C8orf34: variants seen among roughly 807,000 people sequenced by gnomAD.
The protein encoded by C8orf34 is uncharacterized protein C8orf34.
C8orf34 carries 65 observed loss-of-function variants against 68.3 expected under a neutral mutation model. The ratio of observed to expected loss-of-function variants is 0.95; its 90% CI spans 0.78 to 1.17. The LOEUF is 1.17. Ranked by LOEUF, C8orf34 falls within the 50% of genes most tolerant of loss-of-function variation. The pLI is 0.00. For missense variants in C8orf34, 664 were observed against 655.4 expected (o/e 1.01, Z -0.14); for synonymous variants, 244 against 241.2 (o/e 1.01, Z -0.11).
At chr8:68,501,146 G>A (rs1381337490) in intron 5 of C8orf34, among the ~76,000 whole-genome samples, 3 of 152,084 alleles carry the variant, frequency 2.0e-5, no homozygotes, top group African/African-American at 7.2e-5. Flanking sequence ...TTCAAGCTGA[G>A]GGCGCTGGTT....
At chr8:68,694,995 C>G (rs1036848953) in intron 8 of C8orf34, among the ~76,000 whole-genome samples, 1 of 151,758 alleles carries the variant, frequency 6.6e-6, no homozygotes, top group South Asian at 2.1e-4. Context: ...ATTTACTATC[C>G]GAATTTATAT....
intron 6 of C8orf34, chr8:68,530,462 A>T: frequency 4.3e-6 from 1 of 230,150 alleles, no homozygotes. Flanking sequence ...TTTAGGTGTT[A>T]ATTCAGCTTA....
intron 1 of C8orf34, among the ~76,000 whole-genome samples, chr8:68,393,353 A>G (rs1438460541): frequency 6.6e-6 from 1 of 152,184 alleles, no homozygotes; most frequent in Non-Finnish European, 1.5e-5. Flanking sequence ...GATGGAGGAC[A>G]TTGTGAAGCA....
At chr8:68,413,871 T>C (rs1393498713) in intron 1 of C8orf34, among the ~76,000 whole-genome samples, 3 of 152,216 alleles carry the variant, frequency 2.0e-5, no homozygotes, top group African/African-American at 7.2e-5. Context: ...CTTCACACCA[T>C]TCATTGGCTT....
intron 1 of C8orf34, among the ~76,000 whole-genome samples, chr8:68,371,113 G>A (rs13257807): frequency 0.36 from 55,332 of 151,958 alleles, 10,978 homozygotes; most frequent in Non-Finnish European, 0.45. Flanking sequence ...GCTTCTGCTG[G>A]CAAGAGAAGC....
At chr8:68,539,746 C>T (rs1331309858) in intron 7 of C8orf34, among the ~76,000 whole-genome samples, 11 of 151,696 alleles carry the variant, frequency 7.3e-5, no homozygotes, top group Non-Finnish European at 5.9e-5. Flanking sequence ...CCCAGCTACT[C>T]GGGACACTGA....
At chr8:68,433,598 G>A (rs1810537205) in intron 1 of C8orf34, among the ~76,000 whole-genome samples, 1 of 152,208 alleles carries the variant, frequency 6.6e-6, no homozygotes, top group African/African-American at 2.4e-5. Flanking sequence ...CTGGGTGTGT[G>A]CTGTGGTACC....
chr8:68,714,013 C>T (rs1821399453), intron 9 of C8orf34, among the ~76,000 whole-genome samples: 2 of 152,024 alleles, frequency 1.3e-5, no homozygotes, highest in Non-Finnish European at 2.9e-5. Flanking sequence ...ATATAGCATA[C>T]CACGTAAACA....
At chr8:68,512,264 A>G (rs1231010931) in intron 5 of C8orf34, among the ~76,000 whole-genome samples, 1 of 152,222 alleles carries the variant, frequency 6.6e-6, no homozygotes, top group Non-Finnish European at 1.5e-5. Flanking sequence ...AGAATTTTAG[A>G]AATCCCATAC....
At chr8:68,532,699 C>A (rs888793147) in intron 6 of C8orf34, among the ~76,000 whole-genome samples, 3 of 152,068 alleles carry the variant, frequency 2.0e-5, no homozygotes, top group African/African-American at 7.2e-5. Context: ...CTTTAAAAAT[C>A]AGAAAATTCA....
chr8:68,795,810 A>G (rs1487598668), intron 12 of C8orf34, among the ~76,000 whole-genome samples: 1 of 152,156 alleles, frequency 6.6e-6, no homozygotes, highest in Non-Finnish European at 1.5e-5. Context: ...ATTTTCTTCT[A>G]AACTTTTTTG....
In C8orf34 at chr8:68,721,472, C is replaced by G. The variant is rs539654941; in HGVS notation, c.1404+35C>G. The G allele has an allele frequency of 2.9e-6, 4 of 1,357,910 alleles. No individual in the cohort carries two copies. In the African/African-American group the frequency reaches 5.8e-5, roughly 20 times the overall value. The allele number at this position is 1,357,910 out of a possible 1,614,324, so 84.1% of individuals were successfully genotyped here. A position where few individuals can be genotyped will look rare whatever the true frequency, so the allele number is the denominator to read the frequency against. ...TTCATTGACTTATTTTTTTTAATTGCTAAAACTAATTTAAATTACTAGTAG... is the reference window on the plus strand; with the variant it reads ...TTCATTGACTTATTTTTTTTAATTGGTAAAACTAATTTAAATTACTAGTAG... On this transcript the variant is annotated intron_variant, in intron 10 of 13. Coordinates refer to ENST00000518698, the MANE Select transcript of C8orf34 (RefSeq NM_052958.4).
intron 7 of C8orf34, 76 bp downstream of exon 7, chr8:68,533,225 T>A: frequency 6.7e-7 from 1 of 1,490,728 alleles, no homozygotes; most frequent in East Asian, 2.4e-5. Context: ...TAAGAGATTT[T>A]AAAAGTTTTG....
At chr8:68,399,972 A>G (rs1808878249) in intron 1 of C8orf34, among the ~76,000 whole-genome samples, 1 of 151,994 alleles carries the variant, frequency 6.6e-6, no homozygotes, top group Admixed American at 6.6e-5. Flanking sequence ...TGAAAAATGT[A>G]TATTCATGTC....
At chr8:68,431,184 G>C (rs1466817317) in intron 1 of C8orf34, among the ~76,000 whole-genome samples, 1 of 152,062 alleles carries the variant, frequency 6.6e-6, no homozygotes, top group African/African-American at 2.4e-5. Flanking sequence ...ATCAAACTTA[G>C]GTCTGTGTAT....
chr8:68,593,488 A>G (rs957686896), intron 7 of C8orf34, among the ~76,000 whole-genome samples: 1 of 152,074 alleles, frequency 6.6e-6, no homozygotes, highest in Admixed American at 6.6e-5. Context: ...TCTCATTTGC[A>G]TGGAGGACTT....
rs552702593 is a variant in C8orf34, at chr8:68,460,246, C to A, written c.608-8446C>A. Among the ~76,000 whole-genome samples, 4 of 152,324 alleles carry A rather than the reference C, an allele frequency of 2.6e-5. No homozygotes were observed. The South Asian group carries it at 8.3e-4, about 32-fold the overall frequency. ...AGCAGCGAGGCTGGGGGAGGGGCGC[C>A]CGCCATTGCCCAGGCTTGCTTAGGT... is the stretch of plus-strand genomic sequence containing the variant. On this transcript the variant is annotated intron_variant, in intron 3 of 13. Transcript: ENST00000518698.
intron 8 of C8orf34, among the ~76,000 whole-genome samples, chr8:68,653,148 G>T (rs1466301348): frequency 1.3e-5 from 2 of 152,072 alleles, no homozygotes; most frequent in East Asian, 1.9e-4. Context: ...GCAGTTTAAG[G>T]TTACTAAAAT....
intron 7 of C8orf34, among the ~76,000 whole-genome samples, chr8:68,624,135 G>T (rs1818466117): frequency 6.6e-6 from 1 of 151,788 alleles, no homozygotes; most frequent in Non-Finnish European, 1.5e-5. Flanking sequence ...AGCTGGGCGT[G>T]GTGGTGCACG....
Sources: gnomAD v4.1 joint callset for allele counts (sites outside exome capture counted in the v4.1 genomes callset) on GRCh38, gnomAD v4.1.1 for gene constraint, MANE v1.5 for transcripts, NCBI Gene and HGNC (gene_info 2026-07-23, HGNC 2026-07-21) for gene names.